Variants in CCSER1 observed in about 807,000 individuals in gnomAD.
The protein encoded by CCSER1 is serine-rich coiled-coil domain-containing protein 1.
CCSER1 carries 41 observed loss-of-function variants against 82.0 expected under a neutral mutation model. The ratio of observed to expected loss-of-function variants is 0.50; its 90% confidence interval spans 0.39 to 0.65. The LOEUF (loss-of-function observed/expected upper bound fraction) is 0.65, where lower values mean the gene tolerates loss of function less well. CCSER1 is among the 30% of genes least tolerant of loss of function. CCSER1 has a pLI of 0.00. For synonymous variants in CCSER1, 414 were observed against 383.9 expected (o/e 1.08, Z -0.92); for missense variants, 1,119 against 1,064.2 (o/e 1.05, Z -0.72).
intron 8 of CCSER1, among the ~76,000 whole-genome samples, chr4:90,826,961 T>C (rs62311070): frequency 0.096 from 14,567 of 152,174 alleles, 749 homozygotes; most frequent in Admixed American, 0.14. Context: ...TCTTTCCCCG[T>C]TCAGTGTTAC....
intron 10 of CCSER1, among the ~76,000 whole-genome samples, chr4:91,265,353 C>CTA (rs1311246876): frequency 1.3e-5 from 2 of 151,806 alleles, no homozygotes; most frequent in South Asian, 2.1e-4. Context: ...AGGGTGTGAG[C>CTA]TATAGTGAAT....
intron 1 of CCSER1, among the ~76,000 whole-genome samples, chr4:90,290,302 T>G (rs1392519721): frequency 6.6e-6 from 1 of 151,894 alleles, no homozygotes; most frequent in Non-Finnish European, 1.5e-5. Flanking sequence ...TAATTATTTT[T>G]TATATTACCG....
rs772489002 is a variant in CCSER1 at position 90,648,331 on chromosome 4, A to AAGAAAGAG, written c.1932+20106_1932+20107insGAGAAAGA. Among the ~76,000 whole-genome samples the AAGAAAGAG allele has an allele frequency of 3.5e-3, 531 of 150,420 alleles. 2 individuals carry two copies. The highest frequency in any genetic ancestry group is 5.4e-3 in the Non-Finnish European group (364 of 67,666). On this transcript the variant is annotated intron_variant, in intron 6 of 10. Coordinates refer to ENST00000509176, the MANE Select transcript of CCSER1 (RefSeq NM_001145065.2). ...AAAGAAAGAAAGAAAGAAAGAAAGA[A>AAGAAAGAG]AGAAAGAAAGAGAGTTGCCCTCAAG...
chr4:91,236,490 A>G (rs974148322), intron 10 of CCSER1, among the ~76,000 whole-genome samples: 1 of 152,080 alleles, frequency 6.6e-6, no homozygotes, highest in Non-Finnish European at 1.5e-5. Flanking sequence ...CTCAGAAACA[A>G]AACAAAAAGA....
intron 10 of CCSER1, among the ~76,000 whole-genome samples, chr4:91,570,026 G>C (rs1763094316): frequency 6.6e-6 from 1 of 152,100 alleles, no homozygotes; most frequent in Non-Finnish European, 1.5e-5. Context: ...GGAGAAATTG[G>C]CCTAAACAAA....
At chr4:91,097,390 A>G (rs183877738) in intron 10 of CCSER1, among the ~76,000 whole-genome samples, 212 of 152,314 alleles carry the variant, frequency 1.4e-3, no homozygotes, top group Non-Finnish European at 2.4e-3. Context: ...ATGAAGTACA[A>G]ATGTGTAGTG....
At chr4:90,485,250 C>T (rs1766828108) in intron 5 of CCSER1, among the ~76,000 whole-genome samples, 2 of 152,028 alleles carry the variant, frequency 1.3e-5, no homozygotes, top group African/African-American at 2.4e-5. Context: ...TGGGAGTGAC[C>T]CAATTTTCCA....
chr4:90,137,741 C>A (rs112297208), intron 1 of CCSER1, among the ~76,000 whole-genome samples: 1 of 152,214 alleles, frequency 6.6e-6, no homozygotes, highest in Non-Finnish European at 1.5e-5. Flanking sequence ...GAGGAGCTAT[C>A]CAGGGTACTA....
chr4:90,135,998 G>A (rs1723633166), intron 1 of CCSER1, among the ~76,000 whole-genome samples: 1 of 152,218 alleles, frequency 6.6e-6, no homozygotes, highest in African/African-American at 2.4e-5. Context: ...GAATTCTTTA[G>A]GGTTTGCCTG....
intron 8 of CCSER1, among the ~76,000 whole-genome samples, chr4:90,855,913 A>G (rs1394363522): frequency 6.6e-6 from 1 of 152,104 alleles, no homozygotes; most frequent in African/African-American, 2.4e-5. Context: ...ACACTCATTC[A>G]TTTCACACAT....
At chr4:90,943,214 C>G (rs1731804271) in intron 9 of CCSER1, among the ~76,000 whole-genome samples, 1 of 151,980 alleles carries the variant, frequency 6.6e-6, no homozygotes, top group Admixed American at 6.6e-5. Flanking sequence ...CTTGAAAGAA[C>G]AAGTAACTTT....
chr4:90,343,773 T>C (rs551427020), intron 3 of CCSER1, among the ~76,000 whole-genome samples: 108 of 152,238 alleles, frequency 7.1e-4, no homozygotes, highest in African/African-American at 2.0e-3. Flanking sequence ...TACATAGTGG[T>C]ATATATATGT....
At chr4:90,857,848 G>A (rs1420014653) in intron 8 of CCSER1, among the ~76,000 whole-genome samples, 1 of 152,038 alleles carries the variant, frequency 6.6e-6, no homozygotes, top group African/African-American at 2.4e-5. Context: ...ATAGTGTATT[G>A]TATTCAGGAT....
intron 4 of CCSER1, among the ~76,000 whole-genome samples, chr4:90,428,233 G>C (rs377256008): frequency 1.4e-4 from 22 of 151,756 alleles, no homozygotes; most frequent in African/African-American, 4.8e-4. Flanking sequence ...ATCTTTCCCT[G>C]ACCTTTCTCT....
At chr4:90,694,620 G>A (rs17243064) in intron 6 of CCSER1, among the ~76,000 whole-genome samples, 26,521 of 142,504 alleles carry the variant, frequency 0.19, 2,534 homozygotes, top group Middle Eastern at 0.29. Context: ...AAATGTTTTC[G>A]TGTTTACTTG....
intron 10 of CCSER1, among the ~76,000 whole-genome samples, chr4:91,505,446 T>C (rs981242270): frequency 3.9e-5 from 6 of 152,208 alleles, no homozygotes; most frequent in African/African-American, 7.2e-5. Flanking sequence ...TTATATTCCT[T>C]TGGGTATATA....
At chr4:90,984,341 T>C (rs951713551) in intron 9 of CCSER1, among the ~76,000 whole-genome samples, 1 of 151,730 alleles carries the variant, frequency 6.6e-6, no homozygotes, top group African/African-American at 2.4e-5. Context: ...AGAACTTGGA[T>C]TGGCTTAAAT....
rs1581406199 is a variant in CCSER1 at position 91,042,300 on chromosome 4, G to A, written c.2173-43650G>A. On this transcript the variant is annotated intron_variant, in intron 9 of 10. Coordinates refer to ENST00000509176, the MANE Select transcript of CCSER1 (RefSeq NM_001145065.2). ...CGTTCATTCGCCTTCCTGCTGCCTT[G>A]TGAAGGAGGTGCCTTCATTCCCCTT... Among the ~76,000 whole-genome samples the A allele has an allele frequency of 2.6e-5, 4 of 152,220 alleles. No homozygotes were observed. In the Middle Eastern group the frequency reaches 0.01, roughly 388 times the overall value.
At chr4:90,261,570 T>C (rs1263125359) in intron 1 of CCSER1, among the ~76,000 whole-genome samples, 1 of 152,186 alleles carries the variant, frequency 6.6e-6, no homozygotes, top group Non-Finnish European at 1.5e-5. Context: ...CTGATGACTA[T>C]GTACCTTGGT....
Sources: allele counts gnomAD v4.1 joint callset (sites outside exome capture counted in the v4.1 genomes callset), GRCh38; gene constraint gnomAD v4.1.1; transcripts MANE v1.5; gene names NCBI Gene and HGNC (gene_info 2026-07-23, HGNC 2026-07-21).